Variants in NDE1 observed in about 807,000 individuals in gnomAD.
The protein encoded by NDE1 is nuclear distribution protein nudE homolog 1.
NDE1 carries 28 observed loss-of-function variants against 43.4 expected under a neutral mutation model. The ratio of observed to expected loss-of-function variants is 0.65; its 90% confidence interval spans 0.48 to 0.89. The LOEUF is 0.89. NDE1 is among the 40% of genes least tolerant of loss of function. NDE1 has a pLI of 0.00. For missense variants in NDE1, 441 were observed against 434.1 expected (o/e 1.02, Z -0.14); for synonymous variants, 184 against 172.0 (o/e 1.07, Z -0.55).
chr16:15,706,367 TC>T (rs1398256093), intron 8 of NDE1, among the ~76,000 whole-genome samples: 1 of 152,104 alleles, frequency 6.6e-6, no homozygotes, highest in African/African-American at 2.4e-5. Flanking sequence ...CCCTGTACGC[TC>T]CCCACACAGC....
In NDE1 at chr16:15,703,972, C is replaced by T. The variant is rs187644296; in HGVS notation, c.947+7112C>T. On this transcript the variant is annotated intron_variant, in intron 8 of 8. Coordinates refer to ENST00000396354, the MANE Select transcript of NDE1 (RefSeq NM_017668.3). The stretch of plus-strand genomic sequence containing the variant: ...GGTTTTTGGTTTTCTTGCCGTGGTG[C>T]AAAACTGTAGAAAGTTGCTTATTCA... 355 of 1,613,786 alleles carry T rather than the reference C, an allele frequency of 2.2e-4. 1 individual carries two copies. Among genetic ancestry groups the T allele is most frequent in the Non-Finnish European group, 1.9e-4 (228 of 1,179,922 alleles).
chr16:15,708,970 A>C (rs186855703), intron 8 of NDE1: 1 of 1,004,568 alleles, frequency 1.0e-6, no homozygotes, highest in East Asian at 2.6e-5. Flanking sequence ...TTATTTTGAG[A>C]TAGTCTCTGT....
intron 4 of NDE1, among the ~76,000 whole-genome samples, chr16:15,678,493 T>G (rs1596592253): frequency 6.6e-6 from 1 of 152,140 alleles, no homozygotes; most frequent in East Asian, 1.9e-4. Flanking sequence ...GGCTCCTGAG[T>G]AGCTGGAATT....
rs552152856 is a variant in NDE1, at chr16:15,679,110, CAAAA to C, written c.386+1165_386+1168del. 4.0e-3 allele frequency among the ~76,000 whole-genome samples: 603 copies of C among 151,588 alleles called. 8 individuals carry two copies. The highest frequency in any genetic ancestry group is 0.013 in the African/African-American group (551 of 41,104). On this transcript the variant is annotated intron_variant, in intron 4 of 8. Transcript: ENST00000396354. Reference sequence around the variant, plus strand: ...AACAAAACAAAAAACAACAAAAAAACAAAAAAAGCACAGATGTTTTTTCTTTTAT... The same window carrying C: ...AACAAAACAAAAAACAACAAAAAAACAAAGCACAGATGTTTTTTCTTTTAT...
chr16:15,717,663 G>A, intron 8 of NDE1: 1 of 455,016 alleles, frequency 2.2e-6, no homozygotes, highest in African/African-American at 2.0e-5. Flanking sequence ...GGCAGTGGTG[G>A]CACGTGCCTG....
intron 8 of NDE1, chr16:15,714,515 G>T: frequency 2.9e-6 from 1 of 341,830 alleles, no homozygotes; most frequent in South Asian, 3.1e-5. Flanking sequence ...GGGGAGAAAG[G>T]AGGAGCAGAG....
chr16:15,708,135 G>A lies in NDE1; in HGVS notation c.947+11275G>A, dbSNP rs545283129. On this transcript the variant is annotated intron_variant, in intron 8 of 8. Transcript: ENST00000396354. ...CTGCCAGGACTGTGCTTGGCTTTGC[G>A]GTGGTCAGCTTCCACCCCGTGTGCT... Among the ~76,000 whole-genome samples the A allele has an allele frequency of 5.9e-5, 9 of 152,204 alleles. No individual in the cohort carries two copies. The East Asian group carries it at 1.4e-3, about 23-fold the overall frequency.
At chr16:15,720,371 AC>A in intron 8 of NDE1, 1 of 1,569,342 alleles carries the variant, frequency 6.4e-7, no homozygotes, top group South Asian at 1.2e-5. Flanking sequence ...CCTTTGGCTC[AC>A]CTAGGCAGCA....
rs1279126358 is a variant in NDE1, at chr16:15,724,147, C to T, written c.948-44C>T. The T allele has an allele frequency of 2.9e-5, 47 of 1,612,440 alleles. No homozygotes were observed. The highest frequency in any genetic ancestry group is 5.0e-5 in the Admixed American group (3 of 60,016). ...CGTCCATGGCCAGAGTGGGGGACAC[C>T]CCACGCCCTCTACCTGATCAAATTT... On this transcript the variant is annotated intron_variant, in intron 8 of 8. Coordinates refer to ENST00000396354, the MANE Select transcript of NDE1 (RefSeq NM_017668.3).
Position 15,708,876 on chromosome 16 carries a change from C to T in NDE1, c.947+12016C>T, listed in dbSNP as rs750451237. 27 of 1,603,500 alleles carry T rather than the reference C, an allele frequency of 1.7e-5. No homozygotes were observed. In the South Asian group the frequency reaches 2.9e-4, roughly 17 times the overall value. On this transcript the variant is annotated intron_variant, in intron 8 of 8. Coordinates refer to ENST00000396354, the MANE Select transcript of NDE1 (RefSeq NM_017668.3). ...AGAGAGAATCCCCGGAGGTTACCATCAGCAAACAAGAAGGAGCCCGGTTAA... is the reference window on the plus strand; with the variant it reads ...AGAGAGAATCCCCGGAGGTTACCATTAGCAAACAAGAAGGAGCCCGGTTAA...
intron 8 of NDE1, chr16:15,718,198 T>C: frequency 6.5e-7 from 1 of 1,536,126 alleles, no homozygotes; most frequent in Non-Finnish European, 8.9e-7. Flanking sequence ...ACCACCCTCT[T>C]GTCCCTCAAT....
intron 8 of NDE1, chr16:15,720,742 T>A (rs953240647): frequency 3.0e-6 from 4 of 1,351,184 alleles, no homozygotes; most frequent in Non-Finnish European, 2.1e-6. Context: ...CAAAAAAAAA[T>A]AAAGAAAACG....
In NDE1 at chr16:15,718,381, C is replaced by T. The variant is rs774805996; in HGVS notation, c.948-5810C>T. On this transcript the variant is annotated intron_variant, in intron 8 of 8. Coordinates refer to ENST00000396354, the MANE Select transcript of NDE1 (RefSeq NM_017668.3). ...TGTTGCCCTGCTCCTCCTCCAGCTC[C>T]TCCTCCAGCTGGGCGATCCGGGCCT... The T allele has an allele frequency of 5.0e-6, 8 of 1,605,470 alleles. No homozygotes were observed. The highest frequency in any genetic ancestry group is 1.7e-5 in the Admixed American group (1 of 59,772).
intron 4 of NDE1, among the ~76,000 whole-genome samples, chr16:15,682,641 A>G (rs1369629177): frequency 4.6e-5 from 7 of 152,234 alleles, no homozygotes; most frequent in African/African-American, 1.7e-4. Context: ...TTTGTTTCAT[A>G]TGAGTACTAA....
At chr16:15,717,100 C>T (rs541160168) in intron 8 of NDE1, 5 of 1,599,228 alleles carry the variant, frequency 3.1e-6, no homozygotes, top group African/African-American at 1.3e-5. Context: ...CTGTCCATCA[C>T]CCCCCTGCAA....
chr16:15,657,295 C>A (rs1358734093), intron 1 of NDE1, among the ~76,000 whole-genome samples: 2 of 151,332 alleles, frequency 1.3e-5, no homozygotes, highest in East Asian at 2.0e-4. Flanking sequence ...AATGGAGTTT[C>A]ACCATGTTGG....
chr16:15,650,897 C>T (rs2036468256), intron 1 of NDE1, among the ~76,000 whole-genome samples: 1 of 152,186 alleles, frequency 6.6e-6, no homozygotes, highest in African/African-American at 2.4e-5. Context: ...CCTCCGGGAA[C>T]ACGTTTGGGG....
At chr16:15,713,992 C>G (rs1373358679) in intron 8 of NDE1, 3 of 152,264 alleles carry the variant, frequency 2.0e-5, no homozygotes, top group African/African-American at 7.2e-5. Context: ...GCCTGAGGGT[C>G]AAATTGTGAG....
intron 5 of NDE1, among the ~76,000 whole-genome samples, chr16:15,690,201 C>T (rs1012784591): frequency 2.6e-5 from 4 of 151,822 alleles, no homozygotes; most frequent in Admixed American, 6.6e-5. Flanking sequence ...CTCACCACCA[C>T]GCATGGCTAA....
Sources: gnomAD v4.1 joint callset for allele counts (sites outside exome capture counted in the v4.1 genomes callset) on GRCh38, gnomAD v4.1.1 for gene constraint, MANE v1.5 for transcripts, NCBI Gene and HGNC (gene_info 2026-07-23, HGNC 2026-07-21) for gene names.